Variants in C11orf65 observed in about 807,000 individuals in gnomAD.
The protein encoded by C11orf65 is chromosome 11 open reading frame 65.
A neutral mutation model predicts 35.3 loss-of-function variants in C11orf65; 38 were observed. The observed-to-expected ratio is 1.08, with a 90% CI of 0.83 to 1.41. The LOEUF is 1.41. Ranked by LOEUF, C11orf65 falls within the 40% of genes most tolerant of loss-of-function variation. C11orf65 has a pLI of 0.00. For missense variants in C11orf65, 370 were observed against 367.1 expected, an observed-to-expected ratio of 1.01 and a Z score of -0.06; for synonymous variants, 105 against 114.4, an observed-to-expected ratio of 0.92 and a Z score of 0.53.
Position 108,387,135 on chromosome 11 carries a change from C to T in C11orf65, c.732-1160G>A, listed in dbSNP as rs370266965. 6.9e-3 allele frequency among the ~76,000 whole-genome samples: 828 copies of T among 120,796 alleles called. 6 individuals are homozygous for T. Among genetic ancestry groups the T allele is most frequent in the East Asian group, 0.012 (48 of 4,088 alleles). The allele number at this position is 120,796 out of a possible 152,430, so 79.2% of individuals were successfully genotyped here. A position where few individuals can be genotyped will look rare whatever the true frequency, so the allele number is the denominator to read the frequency against. ...TCAGAAAACACTGTGATTTTCTTTTCTTTTCTTTCTTTCTTTTTTTTTTTT... is the reference window on the plus strand; with the variant it reads ...TCAGAAAACACTGTGATTTTCTTTTTTTTTCTTTCTTTCTTTTTTTTTTTT... On this transcript the variant is annotated intron_variant, in intron 7 of 8. Transcript: ENST00000393084.
At position 108,406,941 on chromosome 11, in the gene C11orf65, T is replaced by A; in HGVS notation, c.251A>T (p.Tyr84Phe). ...LGGVKFPPDIYYKIFTHRPIE... is the reference protein window; with the variant it reads ...LGGVKFPPDIFYKIFTHRPIE... ...AGGTCTGTGAGTAAAAATCTTATAG[T>A]ATATATCAGGTGGAAATTTAACCTG... Residue 84 changes from tyrosine to phenylalanine, a missense_variant, in exon 5 of 9, where the codon TAC becomes TTC. Physicochemically the swap from Tyr to Phe is conservative, Grantham distance 22 (BLOSUM62 3). Transcript: ENST00000393084. The A allele has an allele frequency of 1.2e-6, 2 of 1,610,984 alleles. No homozygotes were observed.
chr11:108,375,755 G>C (rs1206467163), intron 2 of C11orf65, among the ~76,000 whole-genome samples: 1 of 151,968 alleles, frequency 6.6e-6, no homozygotes, highest in Non-Finnish European at 1.5e-5. Flanking sequence ...CACGTGCAGA[G>C]ACACACATAG....
chr11:108,433,833 A>C (rs919062985), intron 2 of C11orf65, among the ~76,000 whole-genome samples: 1 of 152,066 alleles, frequency 6.6e-6, no homozygotes, highest in Non-Finnish European at 1.5e-5. Flanking sequence ...AAATCCTTCT[A>C]CTGGGACAGA....
At chr11:108,416,573 G>A (rs1235142508) in intron 3 of C11orf65, among the ~76,000 whole-genome samples, 1 of 152,052 alleles carries the variant, frequency 6.6e-6, no homozygotes, top group Non-Finnish European at 1.5e-5. Flanking sequence ...AGCTACTCGG[G>A]ACACTGAGGC....
At chr11:108,331,063 A>G (rs1297539174), downstream of C11orf65, 2 of 602,902 alleles carry the variant, frequency 3.3e-6, no homozygotes, top group Non-Finnish European at 2.1e-6. Context: ...TATACACTAA[A>G]TATTACTTTT....
chr11:108,337,559 C>A (rs2086984072), intron 2 of C11orf65, among the ~76,000 whole-genome samples: 1 of 152,160 alleles, frequency 6.6e-6, no homozygotes, highest in Non-Finnish European at 1.5e-5. Flanking sequence ...ATGTGCGTTT[C>A]TAGCAAGATA....
intron 6 of C11orf65, among the ~76,000 whole-genome samples, chr11:108,324,326 A>G (rs2085449311): frequency 6.6e-6 from 1 of 152,174 alleles, no homozygotes; most frequent in Non-Finnish European, 1.5e-5. Context: ...TTCTGCAGAT[A>G]CAGAGAAACT....
chr11:108,450,074 C>T (rs1477578666), intron 2 of C11orf65, among the ~76,000 whole-genome samples: 1 of 151,930 alleles, frequency 6.6e-6, no homozygotes, highest in African/African-American at 2.4e-5. Flanking sequence ...AAATCAAAAC[C>T]ACAATGAGAT....
chr11:108,457,663 G>A (rs766764430), intron 2 of C11orf65, among the ~76,000 whole-genome samples: 3 of 152,046 alleles, frequency 2.0e-5, no homozygotes, highest in Admixed American at 6.6e-5. Flanking sequence ...AGTTAAAAAC[G>A]GTTGCTTTTA....
intron 6 of C11orf65, among the ~76,000 whole-genome samples, chr11:108,315,334 T>G (rs1163889616): frequency 1.3e-5 from 2 of 152,222 alleles, no homozygotes; most frequent in Non-Finnish European, 2.9e-5. Flanking sequence ...TATATTTGTC[T>G]TAACCACAAA....
intron 2 of C11orf65, chr11:108,366,029 C>CAAAAAA (rs369583811): frequency 4.0e-5 from 4 of 100,470 alleles, no homozygotes; most frequent in East Asian, 1.8e-4. Flanking sequence ...AACTCCATCT[C>CAAAAAA]AAAAAAAAAA....
intron 3 of C11orf65, among the ~76,000 whole-genome samples, chr11:108,410,641 C>A (rs1436425841): frequency 6.6e-6 from 1 of 152,056 alleles, no homozygotes; most frequent in African/African-American, 2.4e-5. Flanking sequence ...AGATGCGAAC[C>A]ACCCTGCCAG....
chr11:108,433,739 C>T (rs865980037), intron 2 of C11orf65, among the ~76,000 whole-genome samples: 5 of 148,780 alleles, frequency 3.4e-5, no homozygotes, highest in Non-Finnish European at 7.5e-5. Context: ...TTAGGCTTGG[C>T]CCCTAAGGGG....
In C11orf65 at chr11:108,385,879, T is replaced by G. The variant is rs148081778; in HGVS notation, c.787+41A>C. On this transcript the variant is annotated intron_variant, in intron 8 of 8. Transcript: ENST00000393084. Reference sequence around the variant, plus strand: ...TACGTGTGTGGAATGTATTTTTTGTTCATGAGAATTTCCTATAAAGTACTG... The same window carrying G: ...TACGTGTGTGGAATGTATTTTTTGTGCATGAGAATTTCCTATAAAGTACTG... 23 of 1,529,106 alleles carry G rather than the reference T, an allele frequency of 1.5e-5. No individual in the cohort carries two copies. The African/African-American group carries it at 2.9e-4, about 19-fold the overall frequency. 94.7% of individuals were successfully genotyped at this position (1,529,106 alleles called of 1,614,324 possible).
At chr11:108,347,135 G>A (rs999855433) in intron 2 of C11orf65, 11 of 699,672 alleles carry the variant, frequency 1.6e-5, no homozygotes, top group East Asian at 5.4e-5. Context: ...CAACATGGCC[G>A]GTTATGCACA....
intron 5 of C11orf65, 86 bp downstream of exon 5, chr11:108,406,677 A>T: frequency 1.1e-6 from 1 of 910,356 alleles, no homozygotes; most frequent in Non-Finnish European, 1.5e-6. Context: ...TTATTATTTT[A>T]AAAAATAATT....
chr11:108,359,673 A>G lies in C11orf65; in HGVS notation c.227-24381T>C, dbSNP rs538720046. 2.8e-4 allele frequency among the ~76,000 whole-genome samples: 42 copies of G among 152,310 alleles called. No homozygotes were observed. The Middle Eastern group carries it at 0.017, about 62-fold the overall frequency. On this transcript the variant is annotated intron_variant, in intron 2 of 3. Transcript: ENST00000524755. ...AAAACCGCTCAACTACATGGAAACC[A>G]AACAACCTGCTCCTGAATGACTACT...
rs2136130260 is a variant in C11orf65, at chr11:108,316,073, C to A, written c.641-7002G>T. 1 of 1,614,098 alleles carries A rather than the reference C, an allele frequency of 6.2e-7. No individual in the cohort carries two copies. ...GCCCTAGTAACATATGACCTCGAAACAGCAATCCCCTCATCAACACGCCAG... is the reference window on the plus strand; with the variant it reads ...GCCCTAGTAACATATGACCTCGAAAAAGCAATCCCCTCATCAACACGCCAG... On this transcript the variant is annotated intron_variant, in intron 6 of 6. Transcript: ENST00000525729.
At chr11:108,317,984 T>G (rs61915066) in intron 6 of C11orf65, among the ~76,000 whole-genome samples, 8,056 of 152,120 alleles carry the variant, frequency 0.053, 276 homozygotes, top group Non-Finnish European at 0.081. Flanking sequence ...CTACAAACAT[T>G]TTAGTCAGTA....
Sources: gnomAD v4.1 joint callset for allele counts (sites outside exome capture counted in the v4.1 genomes callset) on GRCh38, gnomAD v4.1.1 for gene constraint, MANE v1.5 for transcripts, NCBI Gene and HGNC (gene_info 2026-07-23, HGNC 2026-07-21) for gene names.